The following GPC5 variants were observed in gnomAD, a reference collection of about 807,000 sequenced individuals.
GPC5 encodes glypican-5.
In GPC5, 47 loss-of-function variants were observed where a neutral mutation model predicts 53.9. The observed-to-expected ratio is 0.87, with a 90% CI of 0.69 to 1.11. The LOEUF is 1.11. GPC5 is among the 50% of genes most tolerant of loss of function. GPC5 has a pLI of 0.00. For synonymous variants in GPC5, 286 were observed against 263.3 expected (o/e 1.09, Z -0.84); for missense variants, 748 against 713.1 (o/e 1.05, Z -0.56).
intron 6 of GPC5, among the ~76,000 whole-genome samples, chr13:91,977,482 T>A (rs1320489156): frequency 1.3e-5 from 2 of 152,112 alleles, no homozygotes; most frequent in Non-Finnish European, 2.9e-5. Context: ...TAAGAAAAAA[T>A]CCCATCTTCA....
intron 7 of GPC5, among the ~76,000 whole-genome samples, chr13:92,845,124 T>C (rs1029471836): frequency 5.3e-5 from 8 of 151,984 alleles, no homozygotes; most frequent in Non-Finnish European, 1.0e-4. Flanking sequence ...GAATACATTG[T>C]GATCTATAAG....
chr13:92,104,755 T>C (rs1566436913), intron 6 of GPC5, among the ~76,000 whole-genome samples: 1 of 152,136 alleles, frequency 6.6e-6, no homozygotes, highest in Non-Finnish European at 1.5e-5. Context: ...AGGTCCTTAC[T>C]GAGAGTTTTA....
At chr13:91,813,128 G>A (rs944809974) in intron 5 of GPC5, among the ~76,000 whole-genome samples, 3 of 152,152 alleles carry the variant, frequency 2.0e-5, no homozygotes, top group Non-Finnish European at 2.9e-5. Flanking sequence ...AGTTTATAAA[G>A]GTTTCTTTTG....
At chr13:91,842,779 A>G (rs1432171005) in intron 5 of GPC5, among the ~76,000 whole-genome samples, 1 of 148,074 alleles carries the variant, frequency 6.8e-6, no homozygotes, top group Non-Finnish European at 1.5e-5. Context: ...TTTTAGTTTT[A>G]TGCATGTTGT....
At chr13:92,592,993 C>G (rs1883762173) in intron 7 of GPC5, among the ~76,000 whole-genome samples, 1 of 150,878 alleles carries the variant, frequency 6.6e-6, no homozygotes, top group South Asian at 2.1e-4. Flanking sequence ...TTAAGACATC[C>G]CCTCATGTTG....
chr13:91,927,392 A>G (rs545335592), intron 6 of GPC5, among the ~76,000 whole-genome samples: 1 of 152,278 alleles, frequency 6.6e-6, no homozygotes, highest in East Asian at 1.9e-4. Flanking sequence ...ACTATTTATT[A>G]TCAATAGTTT....
chr13:91,714,776 G>A (rs1378746285), intron 3 of GPC5, among the ~76,000 whole-genome samples: 1 of 152,136 alleles, frequency 6.6e-6, no homozygotes, highest in African/African-American at 2.4e-5. Flanking sequence ...ACCCAGTGAT[G>A]CAGGACAGGT....
chr13:91,442,528 G>A (rs1395416719), intron 1 of GPC5, among the ~76,000 whole-genome samples: 1 of 152,162 alleles, frequency 6.6e-6, no homozygotes, highest in East Asian at 1.9e-4. Context: ...AACATACCAG[G>A]TCTCCCTCCA....
At chr13:91,944,072 G>A (rs566254980) in intron 6 of GPC5, among the ~76,000 whole-genome samples, 2 of 151,740 alleles carry the variant, frequency 1.3e-5, no homozygotes, top group South Asian at 2.1e-4. Context: ...TTTGTGGCAG[G>A]ATATTTCTTT....
intron 7 of GPC5, among the ~76,000 whole-genome samples, chr13:92,147,779 G>T (rs2041878899): frequency 6.6e-6 from 1 of 152,034 alleles, no homozygotes; most frequent in African/African-American, 2.4e-5. Flanking sequence ...TATAGCTGTT[G>T]CCTTTCAATT....
At chr13:92,058,184 A>C (rs1386072589) in intron 6 of GPC5, among the ~76,000 whole-genome samples, 1 of 152,124 alleles carries the variant, frequency 6.6e-6, no homozygotes, top group African/African-American at 2.4e-5. Context: ...TTTTTTAAAA[A>C]ATATATTTTT....
At chr13:92,354,017 A>T (rs1048079358) in intron 7 of GPC5, among the ~76,000 whole-genome samples, 1 of 152,212 alleles carries the variant, frequency 6.6e-6, no homozygotes, top group Admixed American at 6.5e-5. Flanking sequence ...TCACAGGAAT[A>T]AAGTTAATAA....
chr13:92,260,556 T>G (rs984631408), intron 7 of GPC5, among the ~76,000 whole-genome samples: 18 of 152,256 alleles, frequency 1.2e-4, no homozygotes, highest in African/African-American at 4.1e-4. Flanking sequence ...CATCCTGTTT[T>G]CACCCCCACT....
chr13:92,135,838 TTAACA>T (rs764506452), intron 6 of GPC5, among the ~76,000 whole-genome samples: 224 of 152,334 alleles, frequency 1.5e-3, no homozygotes, highest in South Asian at 2.7e-3. Context: ...TCTGGTCAAC[TTAACA>T]TAACATGACA....
At chr13:91,631,058 T>C (rs1484294396) in intron 2 of GPC5, among the ~76,000 whole-genome samples, 1 of 152,120 alleles carries the variant, frequency 6.6e-6, no homozygotes, top group East Asian at 1.9e-4. Context: ...GGGACCTGTT[T>C]ATTGGAATCA....
At chr13:92,398,938 G>T (rs1875426258) in intron 7 of GPC5, among the ~76,000 whole-genome samples, 1 of 151,840 alleles carries the variant, frequency 6.6e-6, no homozygotes, top group African/African-American at 2.4e-5. Context: ...GATCCTCCTT[G>T]TCAGCCTCCT....
At chr13:91,428,396 G>C (rs1281283397) in intron 1 of GPC5, among the ~76,000 whole-genome samples, 2 of 152,146 alleles carry the variant, frequency 1.3e-5, no homozygotes, top group East Asian at 3.9e-4. Context: ...TGGCTTATGG[G>C]TAGGCTTGGA....
chr13:92,464,743 G>A (rs1485723101), intron 7 of GPC5, among the ~76,000 whole-genome samples: 2 of 152,054 alleles, frequency 1.3e-5, no homozygotes, highest in East Asian at 1.9e-4. Flanking sequence ...TTTAAAGCAT[G>A]TAATTATATA....
At chr13:92,666,310 C>G (rs879648189) in intron 7 of GPC5, among the ~76,000 whole-genome samples, 1 of 151,998 alleles carries the variant, frequency 6.6e-6, no homozygotes, top group African/African-American at 2.4e-5. Context: ...GTAAATGATA[C>G]ATAGCCACTG....
Sources: gnomAD v4.1 joint callset for allele counts (sites outside exome capture counted in the v4.1 genomes callset) on GRCh38, gnomAD v4.1.1 for gene constraint, MANE v1.5 for transcripts, NCBI Gene and HGNC (gene_info 2026-07-23, HGNC 2026-07-21) for gene names.